PARD3B: variants seen among roughly 807,000 people sequenced by gnomAD.
PARD3B encodes the protein partitioning defective 3 homolog B.
PARD3B carries 103 observed loss-of-function variants against 130.2 expected under a neutral mutation model. The observed-to-expected ratio is 0.79, with a 90% CI of 0.67 to 0.93. PARD3B has a LOEUF of 0.93. Among genes scored for constraint, PARD3B ranks in the 40% least tolerant of loss-of-function variants. PARD3B has a pLI of 0.00. For missense variants in PARD3B, 1,609 were observed against 1,499.2 expected (o/e 1.07, Z -1.21); for synonymous variants, 583 against 553.2 (o/e 1.05, Z -0.76).
intron 5 of PARD3B, among the ~76,000 whole-genome samples, chr2:205,110,427 GT>G (rs758406206): frequency 1.2e-4 from 18 of 152,054 alleles, no homozygotes; most frequent in Non-Finnish European, 2.2e-4. Context: ...GTAGCAGCTG[GT>G]TTCAGTTTTA....
In PARD3B at chr2:204,758,368, C is replaced by G. The variant is rs376704946; in HGVS notation, c.222+72086C>G. 3.4e-4 allele frequency among the ~76,000 whole-genome samples: 52 copies of G among 152,216 alleles called. No individual in the cohort carries two copies. The South Asian group carries it at 6.0e-3, about 18-fold the overall frequency. ...GATCTACCAGTGAAACAGTCTACCA[C>G]AAGTGTGGAAAGAAAGAAGCCTGTC... On this transcript the variant is annotated intron_variant, in intron 2 of 22. Coordinates refer to ENST00000406610, the MANE Select transcript of PARD3B (RefSeq NM_001302769.2).
rs2053238792 is a variant in PARD3B, at chr2:205,564,150, A to G, written c.3260+10747A>G. On this transcript the variant is annotated intron_variant, in intron 22 of 22. Transcript: ENST00000406610. The surrounding 1 kb of genome is among the most constrained non-coding windows in gnomAD (Gnocchi z 4.6). ...TGACAGGTTTTGGAGTCAGTTCAGT[A>G]TTTTCTGCATCTGAAATTTCTGGGC... Among the ~76,000 whole-genome samples the G allele has an allele frequency of 6.6e-6, 1 of 152,092 alleles. No homozygotes were observed. The highest frequency in any genetic ancestry group is 2.4e-5 in the African/African-American group (1 of 41,394).
chr2:204,881,943 C>T (rs2046068771), intron 2 of PARD3B, among the ~76,000 whole-genome samples: 1 of 152,160 alleles, frequency 6.6e-6, no homozygotes, highest in African/African-American at 2.4e-5. Context: ...TACCTTGTGG[C>T]TTTCACTTTT....
chr2:204,882,969 A>G (rs924460848), intron 2 of PARD3B, among the ~76,000 whole-genome samples: 6 of 152,200 alleles, frequency 3.9e-5, no homozygotes, highest in Admixed American at 2.0e-4. Flanking sequence ...GGATTTTTCT[A>G]TGAAAAGAAT....
chr2:205,368,990 C>G (rs563926208), intron 18 of PARD3B, among the ~76,000 whole-genome samples: 3 of 151,854 alleles, frequency 2.0e-5, no homozygotes, highest in Non-Finnish European at 4.4e-5. Context: ...GTTCTTTTTC[C>G]TGGCAAAACA....
chr2:204,678,296 A>C lies in PARD3B; in HGVS notation c.121-7885A>C, dbSNP rs1337836619. Among the ~76,000 whole-genome samples the C allele has an allele frequency of 6.6e-6, 1 of 152,164 alleles. No individual in the cohort carries two copies. The highest frequency in any genetic ancestry group is 2.4e-5 in the African/African-American group (1 of 41,442). On this transcript the variant is annotated intron_variant, in intron 1 of 22. Transcript: ENST00000406610. This position sits in a 1 kb window ranked among gnomAD's most constrained non-coding sequence, Gnocchi z 4.2. ...GGTTGCCCGCAACTTCTGGAGCCCC[A>C]GAGGTTGTGTATTACAAACAATGCC...
chr2:205,061,329 A>T (rs1251970517), intron 4 of PARD3B, among the ~76,000 whole-genome samples: 1 of 152,150 alleles, frequency 6.6e-6, no homozygotes, highest in Non-Finnish European at 1.5e-5. Flanking sequence ...GGTTAAGAAC[A>T]TGGACTGTAA....
At chr2:204,609,858 T>A (rs2033861002) in intron 1 of PARD3B, among the ~76,000 whole-genome samples, 1 of 152,180 alleles carries the variant, frequency 6.6e-6, no homozygotes, top group Non-Finnish European at 1.5e-5. Context: ...CCTGGCTGTA[T>A]TAGCAGACAT....
chr2:204,971,589 CT>C (rs1162329098), intron 3 of PARD3B, among the ~76,000 whole-genome samples: 4 of 150,224 alleles, frequency 2.7e-5, no homozygotes, highest in Non-Finnish European at 5.9e-5. Flanking sequence ...GTTTTTCTTT[CT>C]TTTTTTTTCC....
intron 18 of PARD3B, among the ~76,000 whole-genome samples, chr2:205,319,492 C>T (rs972936290): frequency 1.3e-5 from 2 of 152,284 alleles, no homozygotes; most frequent in South Asian, 2.1e-4. Flanking sequence ...CTGTCATTTG[C>T]CTTCCTTACT....
chr2:205,187,433 G>T lies in PARD3B; in HGVS notation c.2024+1570G>T, dbSNP rs979114667. ...ACAGAATGAAACCTGGGTTTTTTGTGTGTGTATAACATGGATTGGGTGAAT... is the reference window on the plus strand; with the variant it reads ...ACAGAATGAAACCTGGGTTTTTTGTTTGTGTATAACATGGATTGGGTGAAT... On this transcript the variant is annotated intron_variant, in intron 14 of 22. Coordinates refer to ENST00000406610, the MANE Select transcript of PARD3B (RefSeq NM_001302769.2). The surrounding 1 kb of genome is among the most constrained non-coding windows in gnomAD (Gnocchi z 4.9). Among the ~76,000 whole-genome samples the T allele has an allele frequency of 1.3e-5, 2 of 152,190 alleles. No individual in the cohort carries two copies. The highest frequency in any genetic ancestry group is 2.4e-5 in the African/African-American group (1 of 41,450).
rs532213341 is a variant in PARD3B, at chr2:205,519,535, C to T, written c.3180+19504C>T. On this transcript the variant is annotated intron_variant, in intron 21 of 22. Coordinates refer to ENST00000406610, the MANE Select transcript of PARD3B (RefSeq NM_001302769.2). ...TGGGTATTGCCATCCTACTGAATCTCGATGATCTTCATTCCTATCCATATT... is the reference window on the plus strand; with the variant it reads ...TGGGTATTGCCATCCTACTGAATCTTGATGATCTTCATTCCTATCCATATT... Among the ~76,000 whole-genome samples the T allele has an allele frequency of 5.9e-5, 9 of 152,278 alleles. No individual in the cohort carries two copies. In the East Asian group the frequency reaches 9.6e-4, roughly 16 times the overall value.
chr2:205,178,455 A>G (rs1292520454), intron 13 of PARD3B, among the ~76,000 whole-genome samples: 1 of 151,962 alleles, frequency 6.6e-6, no homozygotes, highest in Non-Finnish European at 1.5e-5. Context: ...TGTTTCAAAG[A>G]AAAAAAAGAA....
At chr2:204,963,288 T>G (rs1051178120) in intron 2 of PARD3B, among the ~76,000 whole-genome samples, 3 of 152,120 alleles carry the variant, frequency 2.0e-5, no homozygotes, top group Non-Finnish European at 4.4e-5. Flanking sequence ...GCAAAGTATC[T>G]TAAGAAAAAA....
At chr2:205,184,137 A>G (rs563065356) in intron 13 of PARD3B, among the ~76,000 whole-genome samples, 1 of 152,260 alleles carries the variant, frequency 6.6e-6, no homozygotes, top group Admixed American at 6.5e-5. Flanking sequence ...CTACTTATTT[A>G]AATGTGAATC....
intron 21 of PARD3B, among the ~76,000 whole-genome samples, chr2:205,517,964 G>C (rs1215471540): frequency 6.6e-6 from 1 of 152,006 alleles, no homozygotes; most frequent in South Asian, 2.1e-4. Flanking sequence ...TTATGATTTT[G>C]GTTGTTTTGC....
intron 18 of PARD3B, among the ~76,000 whole-genome samples, chr2:205,396,062 A>C (rs976492160): frequency 2.0e-5 from 3 of 152,146 alleles, no homozygotes; most frequent in African/African-American, 7.2e-5. Context: ...TTTTGAATAC[A>C]TCAAGCCTTC....
chr2:204,986,271 C>A (rs1374155314), intron 3 of PARD3B, among the ~76,000 whole-genome samples: 2 of 152,032 alleles, frequency 1.3e-5, no homozygotes, highest in African/African-American at 4.8e-5. Flanking sequence ...AGTATGTAAC[C>A]CAACAGTTGT....
At chr2:205,324,096 G>T (rs1403943765) in intron 18 of PARD3B, among the ~76,000 whole-genome samples, 1 of 151,996 alleles carries the variant, frequency 6.6e-6, no homozygotes, top group Non-Finnish European at 1.5e-5. Context: ...ACCTTCTTTT[G>T]TCAGGGGCTT....
Sources: allele counts gnomAD v4.1 joint callset (sites outside exome capture counted in the v4.1 genomes callset), GRCh38; gene constraint gnomAD v4.1.1; non-coding constraint Gnocchi (gnomAD v3.1); transcripts MANE v1.5; gene names NCBI Gene and HGNC (gene_info 2026-07-23, HGNC 2026-07-21).